The following FOLR3 variants were observed in gnomAD, a reference collection of about 807,000 sequenced individuals.
FOLR3 encodes the protein folate receptor 3 (gamma).
FOLR3 carries 9 observed loss-of-function variants against 20.0 expected under a neutral mutation model. The observed-to-expected ratio is 0.45, with a 90% CI of 0.27 to 0.79. The LOEUF (loss-of-function observed/expected upper bound fraction) is 0.79. Ranked by LOEUF, FOLR3 falls within the 30% of genes least tolerant of loss-of-function variation. The pLI, the probability that FOLR3 is intolerant of heterozygous loss-of-function variation, is 0.15. For missense variants in FOLR3, 309 were observed against 323.5 expected, an observed-to-expected ratio of 0.96 and a Z score of 0.34; for synonymous variants, 124 against 115.5, an observed-to-expected ratio of 1.07 and a Z score of -0.47.
In FOLR3 at chr11:72,138,971, GGAA is replaced by G. The variant is rs759309921; in HGVS notation, c.186_188del (p.Lys62del). Reference sequence around the variant, plus strand: ...GTCTTCCCCACCCAGTGCAGTCCCTGGAAGAAGAATGCCTGCTGCACGGCCAGC... The same window carrying G: ...GTCTTCCCCACCCAGTGCAGTCCCTGGAAGAATGCCTGCTGCACGGCCAGC... On this transcript the variant is annotated inframe_deletion, in exon 3 of 5. Coordinates refer to ENST00000611028, the MANE Select transcript of FOLR3 (RefSeq NM_000804.4). 62 of 1,613,822 alleles carry G rather than the reference GGAA, an allele frequency of 3.8e-5. No individual in the cohort carries two copies. The highest frequency in any genetic ancestry group is 1.1e-4 in the South Asian group (10 of 91,080).
Sources: gnomAD v4.1 joint callset for allele counts on GRCh38, gnomAD v4.1.1 for gene constraint, MANE v1.5 for transcripts, NCBI Gene and HGNC (gene_info 2026-07-23, HGNC 2026-07-21) for gene names.